Variants in ERAP1 observed in about 807,000 individuals in gnomAD.
ERAP1 encodes the protein endoplasmic reticulum aminopeptidase 1, also known as adipocyte-derived leucine aminopeptidase.
Under a neutral mutation model 103.7 loss-of-function variants are expected in ERAP1, and 86 were observed. The observed-to-expected ratio is 0.83, with a 90% confidence interval of 0.70 to 0.99. The LOEUF is 0.99. ERAP1 is among the 50% of genes least tolerant of loss of function. The pLI, the probability that ERAP1 is intolerant of heterozygous loss-of-function variation, is 0.00. For synonymous variants in ERAP1, 398 were observed against 402.4 expected, an observed-to-expected ratio of 0.99 and a Z score of 0.13; for missense variants, 1,009 against 1,128.4, an observed-to-expected ratio of 0.89 and a Z score of 1.52.
chr5:96,814,092 A>G, the ERAP1 span: 8 of 335,230 alleles, frequency 2.4e-5, no homozygotes, highest in Non-Finnish European at 4.7e-5. Flanking sequence ...GTGGGCTGCA[A>G]TCAAGATGAT....
chr5:96,761,375 A>G (rs1283900948), exon 20 of ERAP1: 1 of 152,224 alleles, frequency 6.6e-6, no homozygotes, highest in Admixed American at 6.5e-5. Flanking sequence ...TACCTAAAAT[A>G]TTACATTCTA....
intron 3 of ERAP1, among the ~76,000 whole-genome samples, chr5:96,799,026 C>T (rs958021862): frequency 3.1e-4 from 47 of 151,964 alleles, no homozygotes; most frequent in African/African-American, 1.1e-3. Context: ...TGCCACCACG[C>T]CCAGCTAATT....
chr5:96,890,273 C>T, the ERAP1 span, among the ~76,000 whole-genome samples: 2 of 152,132 alleles, frequency 1.3e-5, no homozygotes, highest in East Asian at 3.9e-4. Context: ...ACTGTTCCAC[C>T]TCAGAGCATT....
At chr5:96,863,483 T>G in the ERAP1 span, among the ~76,000 whole-genome samples, 1 of 152,168 alleles carries the variant, frequency 6.6e-6, no homozygotes, top group African/African-American at 2.4e-5. Flanking sequence ...GATCACCACT[T>G]TTTCATGAAA....
At chr5:96,796,039 G>A (rs531409555) in intron 4 of ERAP1, among the ~76,000 whole-genome samples, 3 of 152,228 alleles carry the variant, frequency 2.0e-5, no homozygotes, top group East Asian at 1.9e-4. Flanking sequence ...AGCAATGGGC[G>A]GGTGTTTTTG....
chr5:96,894,590 A>G, the ERAP1 span, among the ~76,000 whole-genome samples: 1 of 152,236 alleles, frequency 6.6e-6, no homozygotes, highest in Non-Finnish European at 1.5e-5. Flanking sequence ...TGCATAATAC[A>G]GATCAAATAT....
At chr5:96,896,960 C>A in the ERAP1 span, 1 of 1,010,162 alleles carries the variant, frequency 9.9e-7, no homozygotes, top group Non-Finnish European at 1.4e-6. Context: ...TGTCAGTCAA[C>A]CATATTTATT....
At chr5:96,914,041 A>G in the ERAP1 span, among the ~76,000 whole-genome samples, 6,282 of 152,128 alleles carry the variant, frequency 0.041, 257 homozygotes, top group East Asian at 0.13. Flanking sequence ...TCATTTCAAT[A>G]TGTTCCTGGA....
In ERAP1 at chr5:96,775,160, C is replaced by T. The variant is rs765654838; in HGVS notation, c.*1236G>A. On this transcript the variant is annotated 3_prime_UTR_variant, in exon 19 of 19. Transcript: ENST00000443439. ...GTATTAACTGACTTGACTTGAACTC[C>T]GTTGGTTTACCATGTTAGTAAACTG... 3.9e-4 allele frequency: 384 copies of T among 985,226 alleles called. No individual in the cohort carries two copies. The highest frequency in any genetic ancestry group is 5.2e-4 in the Middle Eastern group (1 of 1,936). The allele number at this position is 985,226 out of a possible 1,614,324, so 61.0% of individuals were successfully genotyped here.
At chr5:96,856,180 G>A in the ERAP1 span, among the ~76,000 whole-genome samples, 3 of 150,456 alleles carry the variant, frequency 2.0e-5, no homozygotes, top group East Asian at 3.9e-4. Context: ...TTAGCTGGAC[G>A]TGGTGGCAGA....
In ERAP1 at chr5:96,803,519, G is replaced by A. The variant is rs113481697; in HGVS notation, c.408C>T (p.Pro136=). 73 of 1,613,388 alleles carry A rather than the reference G, an allele frequency of 4.5e-5. 2 individuals carry two copies. Among genetic ancestry groups the A allele is most frequent in the South Asian group, 3.7e-4 (34 of 91,078 alleles). Residue 136 remains proline (P), a synonymous_variant, in exon 2 of 19, where the codon CCC becomes CCT. Transcript: ENST00000443439. ...ACGGGAGCCCGACAAGGAGGGGCTC[G>A]GGAGCCAGCAGTGCAATTTGCTCCT... The part of the protein sequence containing the change: ...PRQEQIALLA[P]EPLLVGLPYT...
In ERAP1 at chr5:96,803,396, A is replaced by T. The variant is rs779167520; in HGVS notation, c.524+7T>A. 33 of 1,612,600 alleles carry T rather than the reference A, an allele frequency of 2.0e-5. No homozygotes were observed. The East Asian group carries it at 7.4e-4, about 36-fold the overall frequency. ...GCAGTTTAAAAGAAAAAGAGAAAAA[A>T]AAATACCTCAGTTCCCCTTCCTTGG... On this transcript the variant is annotated splice_region_variant and intron_variant, in intron 2 of 18. Coordinates refer to ENST00000443439, the MANE Select transcript of ERAP1 (RefSeq NM_001040458.3).
rs61501216 is a variant in ERAP1 at position 96,775,264 on chromosome 5, AAAAG to A, written c.*1128_*1131del. ...AAGCAACCGTGTGTGAAGTCTTCACAAAAGAAAGAAAGACTTCAAAGCCAAAGAA... is the reference window on the plus strand; with the variant it reads ...AAGCAACCGTGTGTGAAGTCTTCACAAAAGAAAGACTTCAAAGCCAAAGAA... On this transcript the variant is annotated 3_prime_UTR_variant, in exon 19 of 19. Coordinates refer to ENST00000443439, the MANE Select transcript of ERAP1 (RefSeq NM_001040458.3). 0.84 allele frequency: 826,654 copies of A among 984,652 alleles called. 347,807 individuals carry two copies. The highest frequency in any genetic ancestry group is 0.85 in the Admixed American group (13,875 of 16,236). The allele number at this position is 984,652 out of a possible 1,614,324, so 61.0% of individuals were successfully genotyped here.
chr5:96,863,615 T>C, the ERAP1 span, among the ~76,000 whole-genome samples: 2 of 136,488 alleles, frequency 1.5e-5, no homozygotes, highest in Non-Finnish European at 3.0e-5. Context: ...CTCTTTTTAC[T>C]CTGTATTTTC....
chr5:96,788,952 G>T (rs1279655016), intron 10 of ERAP1, among the ~76,000 whole-genome samples: 2 of 152,176 alleles, frequency 1.3e-5, no homozygotes, highest in Non-Finnish European at 2.9e-5. Flanking sequence ...TTTGGGGCTG[G>T]CAATAACACT....
At chr5:96,856,489 C>G in the ERAP1 span, among the ~76,000 whole-genome samples, 1 of 151,278 alleles carries the variant, frequency 6.6e-6, no homozygotes, top group African/African-American at 2.4e-5. Flanking sequence ...CTATTTGACA[C>G]CAACCTCTGC....
the ERAP1 span, chr5:96,823,230 T>C: frequency 2.4e-6 from 1 of 418,090 alleles, no homozygotes; most frequent in Non-Finnish European, 4.8e-6. Flanking sequence ...CATATTCCAT[T>C]TGGAGGAAAT....
At chr5:96,805,356 T>A (rs1420058450) in intron 1 of ERAP1, among the ~76,000 whole-genome samples, 1 of 133,438 alleles carries the variant, frequency 7.5e-6, no homozygotes, top group Non-Finnish European at 1.6e-5. Context: ...GTTTTTTTTT[T>A]TAAAAAAAAA....
the ERAP1 span, among the ~76,000 whole-genome samples, chr5:96,839,169 G>C: frequency 6.6e-6 from 1 of 152,246 alleles, no homozygotes; most frequent in Non-Finnish European, 1.5e-5. Flanking sequence ...TCTGTGTCTG[G>C]AGGACATGTC....
Sources: gnomAD v4.1 joint callset for allele counts (sites outside exome capture counted in the v4.1 genomes callset) on GRCh38, gnomAD v4.1.1 for gene constraint, MANE v1.5 for transcripts, NCBI Gene and HGNC (gene_info 2026-07-23, HGNC 2026-07-21) for gene names.